Variants in LRP1B observed in about 807,000 individuals in gnomAD.
LRP1B encodes the protein low-density lipoprotein receptor-related protein 1B.
A neutral mutation model predicts 556.6 loss-of-function variants in LRP1B; 217 were observed. The ratio of observed to expected loss-of-function variants is 0.39; its 90% CI spans 0.35 to 0.44. The LOEUF is 0.44. LRP1B is among the 20% of genes least tolerant of loss of function. LRP1B has a pLI of 1.00. For missense variants in LRP1B, 5,053 were observed against 5,620.8 expected (o/e 0.90, Z 3.23); for synonymous variants, 2,047 against 1,865.8 (o/e 1.10, Z -2.50).
chr2:140,966,626 G>A (rs1696231133), intron 18 of LRP1B, among the ~76,000 whole-genome samples: 1 of 152,164 alleles, frequency 6.6e-6, no homozygotes. Flanking sequence ...CCATGCCTAT[G>A]TCCTAAATGG....
intron 3 of LRP1B, among the ~76,000 whole-genome samples, chr2:141,263,498 G>A (rs182268203): frequency 2.3e-3 from 344 of 152,178 alleles, no homozygotes; most frequent in Non-Finnish European, 4.2e-3. Context: ...ATATATAGAA[G>A]AATTGAATTT....
chr2:142,084,955 T>C (rs906201493), intron 1 of LRP1B, among the ~76,000 whole-genome samples: 4 of 152,210 alleles, frequency 2.6e-5, no homozygotes, highest in African/African-American at 9.6e-5. Flanking sequence ...CTGACCTTTT[T>C]AGTCCCTGCT....
chr2:140,235,423 A>C (rs758697017), intron 89 of LRP1B, among the ~76,000 whole-genome samples: 16 of 151,202 alleles, frequency 1.1e-4, no homozygotes, highest in Non-Finnish European at 1.8e-4. Context: ...GCTTGTAACA[A>C]AGTGAATGCT....
At chr2:141,858,812 A>G (rs921314694) in intron 1 of LRP1B, among the ~76,000 whole-genome samples, 2 of 152,200 alleles carry the variant, frequency 1.3e-5, no homozygotes, top group African/African-American at 2.4e-5. Context: ...AAGGAATCTG[A>G]TGCTCTAAGA....
chr2:142,075,849 C>A (rs1705478243), intron 1 of LRP1B, among the ~76,000 whole-genome samples: 1 of 152,088 alleles, frequency 6.6e-6, no homozygotes, highest in African/African-American at 2.4e-5. Context: ...CAATCACAAT[C>A]AAAACTCATG....
chr2:141,760,429 G>A (rs1694499877), intron 2 of LRP1B, among the ~76,000 whole-genome samples: 1 of 152,126 alleles, frequency 6.6e-6, no homozygotes, highest in Non-Finnish European at 1.5e-5. Context: ...GTGATTACGA[G>A]TGACCTTTAT....
At chr2:140,685,364 A>C (rs1007832857) in intron 41 of LRP1B, among the ~76,000 whole-genome samples, 1 of 152,210 alleles carries the variant, frequency 6.6e-6, no homozygotes, top group African/African-American at 2.4e-5. Context: ...TGTTCCAACC[A>C]GCATTTATTA....
In LRP1B at chr2:140,234,812, C is replaced by G. The variant is rs1242014318; in HGVS notation, c.13633G>C (p.Asp4545His). 1 of 775,436 alleles carries G rather than the reference C, an allele frequency of 1.3e-6. No homozygotes were observed. Among genetic ancestry groups the G allele is most frequent in the African/African-American group, 1.7e-5 (1 of 58,754 alleles). 48.0% of individuals were successfully genotyped at this position (775,436 alleles called of 1,614,324 possible). A position where few individuals can be genotyped will look rare whatever the true frequency, so the allele number is the denominator to read the frequency against. The part of the protein sequence containing the change: ...HTAPPIYLNS[D>H]LKGPLTAGPT... Reference sequence around the variant, plus strand: ...CCAGCAGTTAGTGGTCCTTTCAAATCAGAGTTTAGGTAGATGGGCGGCGCT... The same window carrying G: ...CCAGCAGTTAGTGGTCCTTTCAAATGAGAGTTTAGGTAGATGGGCGGCGCT... Residue 4545 changes from aspartate to histidine, a missense_variant, in exon 90 of 91, where the codon GAT becomes CAT. Transcript: ENST00000389484.
intron 3 of LRP1B, among the ~76,000 whole-genome samples, chr2:141,479,830 C>A (rs998047868): frequency 6.6e-6 from 1 of 152,032 alleles, no homozygotes; most frequent in Non-Finnish European, 1.5e-5. Context: ...TAATTATTAT[C>A]CCTCATATCA....
intron 1 of LRP1B, among the ~76,000 whole-genome samples, chr2:141,979,148 A>T (rs2105091563): frequency 6.6e-6 from 1 of 152,226 alleles, no homozygotes; most frequent in Middle Eastern, 3.4e-3. Context: ...ATAAAATTAG[A>T]TGTCAATAAT....
intron 86 of LRP1B, among the ~76,000 whole-genome samples, chr2:140,250,872 A>G (rs1286867719): frequency 6.6e-6 from 1 of 151,676 alleles, no homozygotes; most frequent in Non-Finnish European, 1.5e-5. Flanking sequence ...ATATCATTCA[A>G]TGTCTTATTG....
At chr2:141,054,412 A>T (rs1311534244) in intron 10 of LRP1B, among the ~76,000 whole-genome samples, 1 of 152,050 alleles carries the variant, frequency 6.6e-6, no homozygotes, top group Non-Finnish European at 1.5e-5. Flanking sequence ...ATACCTGATT[A>T]TCAAGACCCC....
intron 7 of LRP1B, among the ~76,000 whole-genome samples, chr2:141,175,157 A>G (rs960173257): frequency 2.6e-5 from 4 of 152,142 alleles, no homozygotes; most frequent in African/African-American, 9.6e-5. Flanking sequence ...TGATCTGAAA[A>G]TGGAACTTAT....
At chr2:141,361,429 AT>A (rs1313521820) in intron 3 of LRP1B, among the ~76,000 whole-genome samples, 1 of 152,062 alleles carries the variant, frequency 6.6e-6, no homozygotes, top group Non-Finnish European at 1.5e-5. Flanking sequence ...TTTAAAGGAG[AT>A]ATGCTGTTAT....
intron 71 of LRP1B, among the ~76,000 whole-genome samples, chr2:140,368,513 C>T (rs1340282199): frequency 6.6e-6 from 1 of 151,868 alleles, no homozygotes; most frequent in Non-Finnish European, 1.5e-5. Context: ...TTTGAAAGCT[C>T]AGGCCAAAAC....
intron 82 of LRP1B, among the ~76,000 whole-genome samples, chr2:140,317,757 T>A (rs1684589826): frequency 2.6e-5 from 4 of 152,240 alleles, no homozygotes; most frequent in East Asian, 1.9e-4. Flanking sequence ...GGTACTCATT[T>A]TTACCTGTCA....
In LRP1B at chr2:140,740,090, C is replaced by T. The variant is rs77744548; in HGVS notation, c.5759-23274G>A. 2.1e-3 allele frequency among the ~76,000 whole-genome samples: 313 copies of T among 152,034 alleles called. 2 individuals are homozygous for T. In the East Asian group the frequency reaches 0.03, roughly 15 times the overall value. On this transcript the variant is annotated intron_variant, in intron 35 of 90. Transcript: ENST00000389484. The stretch of plus-strand genomic sequence containing the variant: ...CTGCTGGTGGGAACATAAACTGGTA[C>T]GACCACTATGGAAAAAAGTGTGGAA...
intron 12 of LRP1B, among the ~76,000 whole-genome samples, chr2:141,017,421 T>C (rs1308654203): frequency 6.6e-6 from 1 of 151,632 alleles, no homozygotes; most frequent in African/African-American, 2.4e-5. Flanking sequence ...AACATGTTTT[T>C]TTTTTCTGTG....
chr2:141,181,930 A>T (rs770455861), intron 7 of LRP1B, among the ~76,000 whole-genome samples: 2 of 152,032 alleles, frequency 1.3e-5, no homozygotes, highest in South Asian at 2.1e-4. Context: ...CCTTTGAATG[A>T]GCCTTTGAAC....
Sources: allele counts gnomAD v4.1 joint callset (sites outside exome capture counted in the v4.1 genomes callset), GRCh38; gene constraint gnomAD v4.1.1; transcripts MANE v1.5; gene names NCBI Gene and HGNC (gene_info 2026-07-23, HGNC 2026-07-21).